Variants in SLC22A3 observed in about 807,000 individuals in gnomAD.
SLC22A3 encodes EMT organic cation transporter 3.
Under a neutral mutation model 59.1 loss-of-function variants are expected in SLC22A3, and 51 were observed. The ratio of observed to expected loss-of-function variants is 0.86; its 90% CI spans 0.69 to 1.09. The LOEUF is 1.09. SLC22A3 is among the 50% of genes least tolerant of loss of function. The pLI is 0.00. For synonymous variants in SLC22A3, 325 were observed against 292.0 expected, an observed-to-expected ratio of 1.11 and a Z score of -1.15; for missense variants, 711 against 726.3, an observed-to-expected ratio of 0.98 and a Z score of 0.24.
At chr6:160,447,888 G>T in intron 10 of SLC22A3, 70 bp downstream of exon 10, 1 of 1,167,638 alleles carries the variant, frequency 8.6e-7, no homozygotes. Flanking sequence ...GAATGACATT[G>T]AGAAAATTGA....
intron 1 of SLC22A3, among the ~76,000 whole-genome samples, chr6:160,384,090 C>A (rs539963931): frequency 7.8e-4 from 119 of 152,232 alleles, no homozygotes; most frequent in African/African-American, 2.8e-3. Context: ...CCACCAGGAC[C>A]AGCTAATTCT....
chr6:160,375,975 C>T (rs1003730172), intron 1 of SLC22A3, among the ~76,000 whole-genome samples: 1 of 152,010 alleles, frequency 6.6e-6, no homozygotes, highest in East Asian at 1.9e-4. Context: ...ATCATGTCTA[C>T]CTCACAGTAT....
chr6:160,357,437 C>G (rs1198371600), intron 1 of SLC22A3, among the ~76,000 whole-genome samples: 1 of 152,160 alleles, frequency 6.6e-6, no homozygotes, highest in Non-Finnish European at 1.5e-5. Flanking sequence ...AAATGAAAGA[C>G]AACATGTGTG....
At chr6:160,404,764 G>C (rs974268387) in intron 2 of SLC22A3, among the ~76,000 whole-genome samples, 7 of 150,272 alleles carry the variant, frequency 4.7e-5, no homozygotes, top group Non-Finnish European at 1.0e-4. Flanking sequence ...TAGTTCAGTG[G>C]AATAAAATAG....
intron 1 of SLC22A3, among the ~76,000 whole-genome samples, chr6:160,384,545 G>C (rs1785922427): frequency 1.3e-5 from 2 of 152,182 alleles, no homozygotes; most frequent in Non-Finnish European, 2.9e-5. Context: ...GACCAGGAAA[G>C]ACTCAGGTGT....
rs567969052 is a variant in SLC22A3 at position 160,349,259 on chromosome 6, T to C, written c.429+411T>C. 6.6e-5 allele frequency among the ~76,000 whole-genome samples: 10 copies of C among 152,230 alleles called. No individual in the cohort carries two copies. The East Asian group carries it at 1.7e-3, about 27-fold the overall frequency. ...ACTTCAGTCTCTGGGGTGAGCGACG[T>C]TGGCAGTTCCGGATTCGCTTATGGT... On this transcript the variant is annotated intron_variant, in intron 1 of 10. Coordinates refer to ENST00000275300, the MANE Select transcript of SLC22A3 (RefSeq NM_021977.4).
intron 1 of SLC22A3, among the ~76,000 whole-genome samples, chr6:160,386,586 G>A (rs1786025643): frequency 6.6e-6 from 1 of 152,206 alleles, no homozygotes; most frequent in African/African-American, 2.4e-5. Context: ...GGCAGAGTGA[G>A]GGAAGGGGAG....
At chr6:160,361,085 C>T (rs535200977) in intron 1 of SLC22A3, among the ~76,000 whole-genome samples, 11 of 152,296 alleles carry the variant, frequency 7.2e-5, no homozygotes, top group Admixed American at 1.3e-4. Context: ...GATCAGAGCA[C>T]TTGGAGACTG....
intron 5 of SLC22A3, among the ~76,000 whole-genome samples, chr6:160,417,345 C>T (rs1787540980): frequency 6.6e-6 from 1 of 152,198 alleles, no homozygotes; most frequent in Admixed American, 6.5e-5. Context: ...TGGAGCAGAG[C>T]TGCAGCAGCT....
At chr6:160,407,243 T>G in intron 3 of SLC22A3, 48 bp downstream of exon 3, 1 of 1,543,682 alleles carries the variant, frequency 6.5e-7, no homozygotes, top group Non-Finnish European at 8.7e-7. Flanking sequence ...TAGGGCCAGA[T>G]AGCCAACAAA....
At chr6:160,450,030 C>G (rs1456567686) in intron 10 of SLC22A3, among the ~76,000 whole-genome samples, 1 of 152,184 alleles carries the variant, frequency 6.6e-6, no homozygotes, top group East Asian at 1.9e-4. Context: ...GGTCTATGTT[C>G]AGCGGTGCAT....
chr6:160,451,835 A>G lies in SLC22A3; in HGVS notation c.*779A>G, dbSNP rs1162046546. On this transcript the variant is annotated 3_prime_UTR_variant, in exon 11 of 11. Coordinates refer to ENST00000275300, the MANE Select transcript of SLC22A3 (RefSeq NM_021977.4). ...TCCTTTAGTGGACACCTAGAGCCACAGATTCCCTTCTTTACTAAACAAATC... is the reference window on the plus strand; with the variant it reads ...TCCTTTAGTGGACACCTAGAGCCACGGATTCCCTTCTTTACTAAACAAATC... The G allele has an allele frequency of 6.6e-6, 1 of 152,242 alleles. No individual in the cohort carries two copies. The highest frequency in any genetic ancestry group is 2.4e-5 in the African/African-American group (1 of 41,468). The allele number at this position is 152,242 out of a possible 1,614,324, so 9.4% of individuals were successfully genotyped here. A position where few individuals can be genotyped will look rare whatever the true frequency, so the allele number is the denominator to read the frequency against.
rs1162874972 is a variant in SLC22A3, at chr6:160,397,848, A to G, written c.430-131A>G. The G allele has an allele frequency of 5.4e-6, 4 of 745,494 alleles. No individual in the cohort carries two copies. The African/African-American group carries it at 6.9e-5, about 13-fold the overall frequency. The allele number at this position is 745,494 out of a possible 1,614,324, so 46.2% of individuals were successfully genotyped here. A position where few individuals can be genotyped will look rare whatever the true frequency, so the allele number is the denominator to read the frequency against. ...GTTAATGTAAACATACGTATGTGAT[A>G]CATTTTCAAAATTTATTTAAAGAGT... On this transcript the variant is annotated intron_variant, in intron 1 of 10. Coordinates refer to ENST00000275300, the MANE Select transcript of SLC22A3 (RefSeq NM_021977.4).
chr6:160,387,522 GA>G (rs1333958578), intron 1 of SLC22A3, among the ~76,000 whole-genome samples: 1 of 152,176 alleles, frequency 6.6e-6, no homozygotes, highest in Non-Finnish European at 1.5e-5. Context: ...GGATTTGTCA[GA>G]ACCTTAAAAT....
chr6:160,436,151 C>T (rs1452871879), intron 5 of SLC22A3, among the ~76,000 whole-genome samples: 1 of 152,278 alleles, frequency 6.6e-6, no homozygotes, highest in Non-Finnish European at 1.5e-5. Flanking sequence ...CTGATGCTTC[C>T]GCATGTTAGA....
In SLC22A3 at chr6:160,435,937, G is replaced by A. The variant is rs563445091; in HGVS notation, c.976-843G>A. 6.6e-5 allele frequency among the ~76,000 whole-genome samples: 10 copies of A among 152,304 alleles called. 1 individual carries two copies. The South Asian group carries it at 1.2e-3, about 19-fold the overall frequency. On this transcript the variant is annotated intron_variant, in intron 5 of 10. Coordinates refer to ENST00000275300, the MANE Select transcript of SLC22A3 (RefSeq NM_021977.4). ...GCCTTCCAAGAGCTCCAGACCCACA[G>A]GGGAGTGCTGTTGTACAGGTGCTAG...
At chr6:160,378,063 C>G (rs961466809) in intron 1 of SLC22A3, among the ~76,000 whole-genome samples, 1 of 152,140 alleles carries the variant, frequency 6.6e-6, no homozygotes, top group African/African-American at 2.4e-5. Context: ...CAGAAAATAT[C>G]AGAACAAGAA....
At chr6:160,349,722 G>C (rs1393256532) in intron 1 of SLC22A3, among the ~76,000 whole-genome samples, 1 of 152,178 alleles carries the variant, frequency 6.6e-6, no homozygotes, top group African/African-American at 2.4e-5. Flanking sequence ...CAGATATAGA[G>C]CAGAGTCACT....
At chr6:160,404,119 G>A (rs1224557190) in intron 2 of SLC22A3, among the ~76,000 whole-genome samples, 1 of 151,766 alleles carries the variant, frequency 6.6e-6, no homozygotes, top group Non-Finnish European at 1.5e-5. Context: ...TGATTGGAAA[G>A]GAAGAAATAA....
Sources: gnomAD v4.1 joint callset for allele counts (sites outside exome capture counted in the v4.1 genomes callset) on GRCh38, gnomAD v4.1.1 for gene constraint, MANE v1.5 for transcripts, NCBI Gene and HGNC (gene_info 2026-07-23, HGNC 2026-07-21) for gene names.